Variants in NDUFS4 observed in about 807,000 individuals in gnomAD.
The protein encoded by NDUFS4 is NADH:ubiquinone oxidoreductase subunit S4.
Under a neutral mutation model 24.3 loss-of-function variants are expected in NDUFS4, and 28 were observed. The observed-to-expected ratio is 1.15, with a 90% CI of 0.85 to 1.58. The LOEUF (loss-of-function observed/expected upper bound fraction) is 1.58, where lower values mean the gene tolerates loss of function less well. Among genes scored for constraint, NDUFS4 ranks in the 40% most tolerant of loss-of-function variants. The pLI is 0.00. For missense variants in NDUFS4, 223 were observed against 207.9 expected (o/e 1.07, Z -0.45); for synonymous variants, 93 against 69.7 (o/e 1.34, Z -1.67).
intron 1 of NDUFS4, among the ~76,000 whole-genome samples, chr5:53,566,077 G>A (rs1749016853): frequency 6.6e-6 from 1 of 152,216 alleles, no homozygotes; most frequent in Non-Finnish European, 1.5e-5. Flanking sequence ...GGAGGCCGAG[G>A]CAGGAGAATC....
chr5:53,680,376 T>TAAAG (rs963706400), intron 4 of NDUFS4, among the ~76,000 whole-genome samples: 63 of 152,158 alleles, frequency 4.1e-4, no homozygotes, highest in Admixed American at 5.9e-4. Flanking sequence ...CATGCTGCTA[T>TAAAG]AAAGACACAT....
chr5:53,603,170 G>A (rs1561355850), intron 1 of NDUFS4, among the ~76,000 whole-genome samples: 2 of 152,232 alleles, frequency 1.3e-5, no homozygotes, highest in Middle Eastern at 6.8e-3. Flanking sequence ...CTCATAGACA[G>A]CAGTACAGTA....
At chr5:53,667,486 CA>C (rs34400470) in intron 4 of NDUFS4, among the ~76,000 whole-genome samples, 56,903 of 135,546 alleles carry the variant, frequency 0.42, 11,837 homozygotes, top group Middle Eastern at 0.49. Context: ...ACTCTGTCTC[CA>C]AAAAAAAAAA....
chr5:53,614,466 A>G (rs1446278866), intron 2 of NDUFS4, among the ~76,000 whole-genome samples: 2 of 151,920 alleles, frequency 1.3e-5, no homozygotes, highest in East Asian at 1.9e-4. Context: ...AGCCATCTCT[A>G]TTATCTGTGA....
At chr5:53,582,204 C>G (rs1749588234) in intron 1 of NDUFS4, among the ~76,000 whole-genome samples, 1 of 118,776 alleles carries the variant, frequency 8.4e-6, no homozygotes, top group Non-Finnish European at 1.8e-5. Context: ...GAGTGAGACT[C>G]TGTCTCAAAA....
chr5:53,610,307 A>G (rs1390470122), intron 2 of NDUFS4, among the ~76,000 whole-genome samples: 1 of 152,138 alleles, frequency 6.6e-6, no homozygotes, highest in Non-Finnish European at 1.5e-5. Context: ...GGACACACAC[A>G]ACCTTTATTA....
intron 3 of NDUFS4, among the ~76,000 whole-genome samples, chr5:53,650,128 T>G (rs1309439996): frequency 2.0e-5 from 3 of 152,230 alleles, no homozygotes; most frequent in African/African-American, 7.2e-5. Flanking sequence ...GATTTTTACA[T>G]GTTCATCTAT....
chr5:53,580,414 C>T (rs1300752235), intron 1 of NDUFS4, among the ~76,000 whole-genome samples: 1 of 152,226 alleles, frequency 6.6e-6, no homozygotes, highest in Non-Finnish European at 1.5e-5. Context: ...TGGAGGGGAT[C>T]TTCCTAAATT....
intron 2 of NDUFS4, among the ~76,000 whole-genome samples, chr5:53,638,347 A>C (rs72753651): frequency 0.012 from 1,802 of 152,220 alleles, 13 homozygotes; most frequent in South Asian, 0.027. Flanking sequence ...ATAATTTAGA[A>C]TTTTACTTTA....
At chr5:53,621,638 G>T (rs1374831387) in intron 2 of NDUFS4, among the ~76,000 whole-genome samples, 1 of 140,292 alleles carries the variant, frequency 7.1e-6, no homozygotes, top group Non-Finnish European at 1.5e-5. Flanking sequence ...AGTCCTTTGT[G>T]TTAATGTTGA....
In NDUFS4 at chr5:53,631,905, C is replaced by T. The variant is rs145722273; in HGVS notation, c.178-14328C>T. Among the ~76,000 whole-genome samples, 662 of 152,318 alleles carry T rather than the reference C, an allele frequency of 4.3e-3. 5 individuals are homozygous for T. The highest frequency in any genetic ancestry group is 0.015 in the African/African-American group (617 of 41,578). On this transcript the variant is annotated intron_variant, in intron 2 of 4. Coordinates refer to ENST00000296684, the MANE Select transcript of NDUFS4 (RefSeq NM_002495.4). ...CATGGGAAAAAGCACAGTATCTGGG[C>T]AGAAGTGTACCATTCCTCCAGGTAC...
intron 1 of NDUFS4, among the ~76,000 whole-genome samples, chr5:53,586,121 G>C (rs1749745999): frequency 6.6e-6 from 1 of 151,922 alleles, no homozygotes. Flanking sequence ...TTGAGGTCAG[G>C]AGTTCCAGAC....
chr5:53,623,637 G>T (rs1399338379), intron 2 of NDUFS4, among the ~76,000 whole-genome samples: 1 of 152,092 alleles, frequency 6.6e-6, no homozygotes, highest in Non-Finnish European at 1.5e-5. Flanking sequence ...CAAATTCACT[G>T]TCGAAGATTT....
chr5:53,676,934 G>A (rs764982055), intron 4 of NDUFS4, among the ~76,000 whole-genome samples: 6 of 152,124 alleles, frequency 3.9e-5, no homozygotes, highest in South Asian at 2.1e-4. Flanking sequence ...GCGCGAGCAC[G>A]AGAGAGAATT....
At chr5:53,598,072 A>G (rs148805695) in intron 1 of NDUFS4, among the ~76,000 whole-genome samples, 1 of 152,362 alleles carries the variant, frequency 6.6e-6, no homozygotes, top group East Asian at 1.9e-4. Flanking sequence ...CACACCTGTT[A>G]GAACGACTGC....
chr5:53,631,812 C>T (rs1055484233), intron 2 of NDUFS4, among the ~76,000 whole-genome samples: 6 of 152,208 alleles, frequency 3.9e-5, no homozygotes, highest in African/African-American at 1.4e-4. Flanking sequence ...CTTTCATGGG[C>T]TTCATGGGCA....
intron 1 of NDUFS4, among the ~76,000 whole-genome samples, chr5:53,594,010 C>T (rs1217868835): frequency 1.3e-5 from 2 of 152,094 alleles, no homozygotes; most frequent in Non-Finnish European, 2.9e-5. Context: ...CAGAATGTGT[C>T]TTTTGCCATT....
At chr5:53,603,760 G>C (rs991493479) in intron 2 of NDUFS4, among the ~76,000 whole-genome samples, 1 of 151,806 alleles carries the variant, frequency 6.6e-6, no homozygotes, top group Non-Finnish European at 1.5e-5. Context: ...ATTATGAAAG[G>C]TTTTCATTTT....
chr5:53,679,757 C>G (rs948773500), intron 4 of NDUFS4, among the ~76,000 whole-genome samples: 1 of 152,058 alleles, frequency 6.6e-6, no homozygotes, highest in African/African-American at 2.4e-5. Flanking sequence ...AGTTTCTTTC[C>G]TAATGTCTTT....
Sources: allele counts gnomAD v4.1 joint callset (sites outside exome capture counted in the v4.1 genomes callset), GRCh38; gene constraint gnomAD v4.1.1; transcripts MANE v1.5; gene names NCBI Gene and HGNC (gene_info 2026-07-23, HGNC 2026-07-21).